ZNF512B: variants seen among roughly 807,000 people sequenced by gnomAD.
ZNF512B encodes zinc finger protein 512B.
In ZNF512B, 22 loss-of-function variants were observed where a neutral mutation model predicts 87.8. The ratio of observed to expected loss-of-function variants is 0.25; its 90% CI spans 0.18 to 0.36. ZNF512B has a LOEUF of 0.36. Ranked by LOEUF, ZNF512B falls within the 10% of genes least tolerant of loss-of-function variation. ZNF512B has a pLI of 1.00. For missense variants in ZNF512B, 1,060 were observed against 1,231.6 expected, an observed-to-expected ratio of 0.86 and a Z score of 2.09; for synonymous variants, 524 against 490.9, an observed-to-expected ratio of 1.07 and a Z score of -0.89.
rs762815840 is a variant in ZNF512B at position 63,963,239 on chromosome 20, G to A, written c.1824C>T (p.Leu608=). The A allele has an allele frequency of 9.7e-6, 15 of 1,547,794 alleles. No homozygotes were observed. Among genetic ancestry groups the A allele is most frequent in the African/African-American group, 2.7e-5 (2 of 73,406 alleles). Residue 608 remains leucine, a synonymous_variant, in exon 12 of 17, where the codon CTC becomes CTT. Transcript: ENST00000369888. ...QEGCGAAFSS[L]MGYQYHQRRC... ...GCCGCTGGTGGTACTGGTAGCCCAT[G>A]AGGCTGGAGAAGGCAGCCCCGCAAC...
rs111787139 is a variant in ZNF512B at position 63,964,461 on chromosome 20, G to A, written c.1261+29C>T. ...ACCGTCAGGAGGCCGAGCCTGCCCC[G>A]GCCGCCACCCCTGGAGCTCTCATCT... On this transcript the variant is annotated intron_variant, in intron 6 of 16. Coordinates refer to ENST00000369888, the MANE Select transcript of ZNF512B (RefSeq NM_020713.3). 171 of 1,613,162 alleles carry A rather than the reference G, an allele frequency of 1.1e-4. No homozygotes were observed. In the East Asian group the frequency reaches 2.9e-3, roughly 28 times the overall value.
chr20:63,968,059 G>C lies in ZNF512B; in HGVS notation c.-2-107C>G. On this transcript the variant is annotated intron_variant, in intron 1 of 16. Coordinates refer to ENST00000369888, the MANE Select transcript of ZNF512B (RefSeq NM_020713.3). The stretch of plus-strand genomic sequence containing the variant: ...TGGCAGGTCCTCTCTGGTCAGGGAA[G>C]AGGGGCCTGCCTTCCTGTGGTTTTG... 2.9e-6 allele frequency: 4 copies of C among 1,381,386 alleles called. No individual in the cohort carries two copies. In the South Asian group the frequency reaches 4.1e-5, roughly 14 times the overall value. The allele number at this position is 1,381,386 out of a possible 1,614,324, so 85.6% of individuals were successfully genotyped here.
chr20:63,968,090 G>T, intron 1 of ZNF512B, 138 bp from the exon 2 acceptor site: 5 of 1,140,176 alleles, frequency 4.4e-6, no homozygotes, highest in Non-Finnish European at 4.9e-6. Flanking sequence ...TTTTGTTCAC[G>T]TGGGAAAAGC....
chr20:63,967,633 C>T, intron 2 of ZNF512B, 110 bp from the exon 3 acceptor site: 1 of 1,491,862 alleles, frequency 6.7e-7, no homozygotes, highest in Non-Finnish European at 8.9e-7. Flanking sequence ...GCACCGGGGG[C>T]AGGGGCTGCG....
At chr20:63,967,263 T>C (rs2146897336) in intron 3 of ZNF512B, 118 bp downstream of exon 3, 1 of 1,444,864 alleles carries the variant, frequency 6.9e-7, no homozygotes, top group Non-Finnish European at 9.3e-7. Flanking sequence ...GCCAGGCCAG[T>C]GCCCACATCT....
At position 63,961,527 on chromosome 20, in the gene ZNF512B, T is replaced by C; in HGVS notation, c.2329-120A>G. On this transcript the variant is annotated intron_variant, in intron 15 of 16. Transcript: ENST00000369888. This position sits in a 1 kb window ranked among gnomAD's most constrained non-coding sequence, Gnocchi z 6.4. ...GCCCAAGGAAAGCTGTGGCTGTCTGTGCCAGACAATGCAGGGGGCCACTGA... is the reference window on the plus strand; with the variant it reads ...GCCCAAGGAAAGCTGTGGCTGTCTGCGCCAGACAATGCAGGGGGCCACTGA... The C allele has an allele frequency of 1.1e-6, 1 of 925,936 alleles. No homozygotes were observed. The highest frequency in any genetic ancestry group is 1.7e-6 in the Non-Finnish European group (1 of 593,132). 57.4% of individuals were successfully genotyped at this position (925,936 alleles called of 1,614,324 possible).
At position 63,966,568 on chromosome 20, in the gene ZNF512B, G is replaced by C. The variant is rs1461075833; in HGVS notation, c.607C>G (p.Pro203Ala). The C allele has an allele frequency of 6.2e-7, 1 of 1,614,000 alleles. No individual in the cohort carries two copies. The highest frequency in any genetic ancestry group is 8.5e-7 in the Non-Finnish European group (1 of 1,180,034). ...CCAATGGGTTTGCTGACACCCACAG[G>C]TTTGCCAATAGTGACAGGTTTGCTC... ...GVSKPVTIGK[P>A]VGVSKPIGIS... Residue 203 changes from proline to alanine, a missense_variant, in exon 5 of 17, where the codon CCT becomes GCT. By Grantham distance (27) the Pro-to-Ala change is conservative. Coordinates refer to ENST00000369888, the MANE Select transcript of ZNF512B (RefSeq NM_020713.3).
Position 63,966,989 on chromosome 20 carries a change from C to T in ZNF512B, c.280G>A (p.Asp94Asn), listed in dbSNP as rs777824075. The T allele has an allele frequency of 7.4e-6, 12 of 1,613,450 alleles. No individual in the cohort carries two copies. Among genetic ancestry groups the T allele is most frequent in the African/African-American group, 6.7e-5 (5 of 74,922 alleles). ...TGTGCCTTGAACTCATCCTTCCAGTCGTTCATCAGGGAGAGCTAGGCGTGG... is the reference window on the plus strand; with the variant it reads ...TGTGCCTTGAACTCATCCTTCCAGTTGTTCATCAGGGAGAGCTAGGCGTGG... ...LRDIPLSLMN[D>N]WKDEFKAHSR... is the part of the protein sequence containing the mutation. Residue 94 changes from aspartate to asparagine, a missense_variant, in exon 4 of 17, where the codon GAC becomes AAC. Physicochemically the swap from Asp to Asn is conservative, Grantham distance 23. Around this residue, in one of 9 missense-constraint regions of ZNF512B, gnomAD observed 134 missense variants for 153.6 expected, o/e 0.87. Coordinates refer to ENST00000369888, the MANE Select transcript of ZNF512B (RefSeq NM_020713.3).
In ZNF512B at chr20:63,961,496, G is replaced by T; in HGVS notation, c.2329-89C>A. On this transcript the variant is annotated intron_variant, in intron 15 of 16. Coordinates refer to ENST00000369888, the MANE Select transcript of ZNF512B (RefSeq NM_020713.3). This position sits in a 1 kb window ranked among gnomAD's most constrained non-coding sequence, Gnocchi z 6.4. ...ACTCATGGCTAAAGGGTCAGAGTCA[G>T]CGGTGGCCCAAGGAAAGCTGTGGCT... 7.8e-7 allele frequency: 1 copy of T among 1,280,272 alleles called. No homozygotes were observed. Among genetic ancestry groups the T allele is most frequent in the Non-Finnish European group, 1.1e-6 (1 of 896,518 alleles). 79.3% of individuals were successfully genotyped at this position (1,280,272 alleles called of 1,614,324 possible).
chr20:63,960,283 C>A (rs1043013766), intron 16 of ZNF512B, 144 bp from the exon 17 acceptor site: 18 of 1,209,218 alleles, frequency 1.5e-5, no homozygotes, highest in Admixed American at 2.7e-5. Context: ...TAGGACCAGG[C>A]AGGCACCTGC....
intron 12 of ZNF512B, 124 bp downstream of exon 12, chr20:63,962,971 A>C (rs1290504629): frequency 7.5e-7 from 1 of 1,338,066 alleles, no homozygotes; most frequent in Non-Finnish European, 1.0e-6. Context: ...CGTCTCTTAC[A>C]GAGAGGGGTG....
At chr20:63,963,486 G>A in intron 10 of ZNF512B, 46 bp from the exon 11 acceptor site, 1 of 1,546,422 alleles carries the variant, frequency 6.5e-7, no homozygotes, top group Non-Finnish European at 8.7e-7. Flanking sequence ...TCGCCACGGA[G>A]CCCTGCCCTG....
Position 63,964,121 on chromosome 20 carries a change from G to A in ZNF512B, c.1430C>T (p.Pro477Leu). Residue 477 changes from proline to leucine, a missense_variant, in exon 8 of 17, where the codon CCC (proline) becomes CTC (leucine). Pro to Leu is a moderately conservative substitution (Grantham distance 98). Around this residue, in one of 9 missense-constraint regions of ZNF512B, gnomAD observed 212 missense variants for 207.6 expected, o/e 1.02. Transcript: ENST00000369888. ...CGGTGCCTCCTTGCTGACAGTGATG[G>A]GGGCAGCTGGCACCTTCTTCCGGGC... ...EDARKKVPAA[P>L]ITVSKEAPAP... is the part of the protein sequence containing the mutation. The A allele has an allele frequency of 1.2e-6, 2 of 1,608,482 alleles. No homozygotes were observed. The highest frequency in any genetic ancestry group is 1.1e-5 in the South Asian group (1 of 90,456).
At chr20:63,960,952 C>T (rs976779007) in intron 16 of ZNF512B, among the ~76,000 whole-genome samples, 4 of 144,912 alleles carry the variant, frequency 2.8e-5, no homozygotes, top group Non-Finnish European at 6.0e-5. Context: ...ACACAGCCTT[C>T]GGGACCAGGC....
At chr20:63,964,275 T>C in intron 7 of ZNF512B, 45 bp downstream of exon 7, 1 of 1,612,616 alleles carries the variant, frequency 6.2e-7, no homozygotes, top group Admixed American at 1.7e-5. Flanking sequence ...TGTCACTCGG[T>C]GGACAGCCCC....
At position 63,959,919 on chromosome 20, in the gene ZNF512B, T is replaced by C. The variant is rs2058830398; in HGVS notation, c.2648A>G (p.Lys883Arg). 3 of 1,603,074 alleles carry C rather than the reference T, an allele frequency of 1.9e-6. No homozygotes were observed. Among genetic ancestry groups the C allele is most frequent in the Non-Finnish European group, 1.7e-6 (2 of 1,177,174 alleles). Reference protein sequence around the residue: ...DKGARGSTGRKVGVSKAPEK With the variant: ...DKGARGSTGRRVGVSKAPEK The stretch of plus-strand genomic sequence containing the variant: ...TTCAGGCGCCTTGCTGACTCCCACC[T>C]TCCGGCCGGTGGAGCCCCGGGCCCC... Residue 883 changes from lysine to arginine, a missense_variant, in exon 17 of 17, where the codon AAG becomes AGG. By Grantham distance (26) the Lys-to-Arg change is conservative (BLOSUM62 2). Coordinates refer to ENST00000369888, the MANE Select transcript of ZNF512B (RefSeq NM_020713.3).
rs1169749958 is a variant in ZNF512B, at chr20:63,966,149, A to G, written c.1026T>C (p.Gly342=). Residue 342 remains glycine (G), a synonymous_variant, in exon 5 of 17, where the codon GGT becomes GGC. Coordinates refer to ENST00000369888, the MANE Select transcript of ZNF512B (RefSeq NM_020713.3). ...KAPRATGRNS[G]KKRAADSLDT... ...GGGACGAGCCCCCATACCTTTTCTT[A>G]CCACTGTTCCTCCCTGTGGCACGAG... is the stretch of plus-strand genomic sequence containing the variant. 6.3e-7 allele frequency: 1 copy of G among 1,597,194 alleles called. No homozygotes were observed. Among genetic ancestry groups the G allele is most frequent in the Non-Finnish European group, 8.6e-7 (1 of 1,169,418 alleles).
At position 63,962,300 on chromosome 20, in the gene ZNF512B, C is replaced by T. The variant is rs868586466; in HGVS notation, c.2238G>A (p.Glu746=). The part of the protein sequence containing the change: ...LLEAWKNEVK[E]KGHVNCPNDC... ...CGTTGGGACAGTTGACGTGGCCTTTCTCCTTCACTTCATTCTTCCATGCCT... is the reference window on the plus strand; with the variant it reads ...CGTTGGGACAGTTGACGTGGCCTTTTTCCTTCACTTCATTCTTCCATGCCT... Residue 746 remains glutamate, a synonymous_variant, in exon 14 of 17, where the codon GAG becomes GAA. Coordinates refer to ENST00000369888, the MANE Select transcript of ZNF512B (RefSeq NM_020713.3). 1.2e-6 allele frequency: 2 copies of T among 1,612,602 alleles called. No individual in the cohort carries two copies. Among genetic ancestry groups the T allele is most frequent in the African/African-American group, 2.7e-5 (2 of 75,056 alleles).
chr20:63,959,765 T>C lies in ZNF512B; in HGVS notation c.*123A>G. 2 of 1,361,928 alleles carry C rather than the reference T, an allele frequency of 1.5e-6. No homozygotes were observed. Among genetic ancestry groups the C allele is most frequent in the East Asian group, 2.5e-5 (1 of 39,950 alleles). The allele number at this position is 1,361,928 out of a possible 1,614,324, so 84.4% of individuals were successfully genotyped here. On this transcript the variant is annotated 3_prime_UTR_variant, in exon 17 of 17. Transcript: ENST00000369888. ...AAGGGAGAGTGGCTGGCTGCCCCAC[T>C]GGACGGATGAAGAGGCGGGGGTGGG...
Sources: gnomAD v4.1 joint callset for allele counts (sites outside exome capture counted in the v4.1 genomes callset) on GRCh38, gnomAD v4.1.1 for gene constraint, gnomAD v4.1.1 regional missense constraint, Gnocchi (gnomAD v3.1) non-coding constraint, MANE v1.5 for transcripts, NCBI Gene and HGNC (gene_info 2026-07-23, HGNC 2026-07-21) for gene names.